The following MED28 variants were observed in gnomAD, a reference collection of about 807,000 sequenced individuals.
MED28 encodes the protein mediator complex subunit 28.
In MED28, 26 loss-of-function variants were observed where a neutral mutation model predicts 21.3. That is an observed-to-expected ratio of 1.22 (90% confidence interval 0.89 to 1.69). MED28 has a LOEUF of 1.69. Among genes scored for constraint, MED28 ranks in the 40% most tolerant of loss-of-function variants. The pLI is 0.00. For synonymous variants in MED28, 110 were observed against 87.6 expected (o/e 1.26, Z -1.43); for missense variants, 257 against 215.4 (o/e 1.19, Z -1.21).
In MED28 at chr4:17,625,674, A is replaced by T. The variant is rs1714756083; in HGVS notation, c.*1876A>T. On this transcript the variant is annotated 3_prime_UTR_variant, in exon 4 of 4. Coordinates refer to ENST00000237380, the MANE Select transcript of MED28 (RefSeq NM_025205.5). ...TTTGTAGACATCTTACTGGGTGATG[A>T]ATAATCCTCTAAGAAACCCTCTGAG... 2.2e-6 allele frequency: 1 copy of T among 447,580 alleles called. No individual in the cohort carries two copies. Among genetic ancestry groups the T allele is most frequent in the South Asian group, 1.6e-5 (1 of 62,730 alleles). The allele number at this position is 447,580 out of a possible 1,614,324, so 27.7% of individuals were successfully genotyped here.
At chr4:17,619,067 C>T (rs73800312) in intron 1 of MED28, among the ~76,000 whole-genome samples, 4,748 of 152,282 alleles carry the variant, frequency 0.031, 229 homozygotes, top group African/African-American at 0.11. Flanking sequence ...GGCTTCTTTT[C>T]TAACTCCTTT....
In MED28 at chr4:17,632,715, G is replaced by T; in HGVS notation, c.*8917G>T. On this transcript the variant is annotated 3_prime_UTR_variant, in exon 4 of 4. Transcript: ENST00000237380. ...ACCATCTTTTCAGGGAAAGATAACT[G>T]CTTGTTTACTCTTCAAAAACACCCA... 1 of 859,330 alleles carries T rather than the reference G, an allele frequency of 1.2e-6. No individual in the cohort carries two copies. The highest frequency in any genetic ancestry group is 1.8e-6 in the Non-Finnish European group (1 of 547,196). 53.2% of individuals were successfully genotyped at this position (859,330 alleles called of 1,614,324 possible).
chr4:17,633,737 C>T lies in MED28; in HGVS notation c.*9939C>T, dbSNP rs906637177. ...AGACTGGTTGGGTTTGTAGGTCCGG[C>T]CACAGCTGGGGCTTGGGTCCAAGCT... On this transcript the variant is annotated 3_prime_UTR_variant, in exon 4 of 4. Coordinates refer to ENST00000237380, the MANE Select transcript of MED28 (RefSeq NM_025205.5). The T allele has an allele frequency of 8.4e-6, 13 of 1,550,036 alleles. No individual in the cohort carries two copies. The highest frequency in any genetic ancestry group is 1.1e-5 in the Non-Finnish European group (13 of 1,146,322).
chr4:17,628,345 T>C lies in MED28; in HGVS notation c.*4547T>C, dbSNP rs1375871966. The C allele has an allele frequency of 6.8e-6, 1 of 147,856 alleles. No homozygotes were observed. The highest frequency in any genetic ancestry group is 1.5e-5 in the Non-Finnish European group (1 of 66,066). The allele number at this position is 147,856 out of a possible 1,614,324, so 9.2% of individuals were successfully genotyped here. A position where few individuals can be genotyped will look rare whatever the true frequency, so the allele number is the denominator to read the frequency against. On this transcript the variant is annotated 3_prime_UTR_variant, in exon 4 of 4. Transcript: ENST00000237380. Reference sequence around the variant, plus strand: ...ATGTGTGTATATATATATGTGTGTGTGTATATATATATATGCAATTATACC... The same window carrying C: ...ATGTGTGTATATATATATGTGTGTGCGTATATATATATATGCAATTATACC...
rs890589333 is a variant in MED28, at chr4:17,624,147, C to A, written c.*349C>A. The A allele has an allele frequency of 3.3e-5, 9 of 270,224 alleles. No individual in the cohort carries two copies. Among genetic ancestry groups the A allele is most frequent in the African/African-American group, 1.5e-4 (7 of 45,326 alleles). The allele number at this position is 270,224 out of a possible 1,614,324, so 16.7% of individuals were successfully genotyped here. A position where few individuals can be genotyped will look rare whatever the true frequency, so the allele number is the denominator to read the frequency against. On this transcript the variant is annotated 3_prime_UTR_variant, in exon 4 of 4. Transcript: ENST00000237380. ...TATGTGTGTTTCCTGTAGTTTGATCCGAAGGAAAAGAGTATAGTAGCCTGA... is the reference window on the plus strand; with the variant it reads ...TATGTGTGTTTCCTGTAGTTTGATCAGAAGGAAAAGAGTATAGTAGCCTGA...
intron 3 of MED28, among the ~76,000 whole-genome samples, chr4:17,622,883 C>T (rs555957835): frequency 5.8e-4 from 89 of 152,256 alleles, no homozygotes; most frequent in South Asian, 1.5e-3. Flanking sequence ...ATTTTTAAAA[C>T]CATCAGATCT....
rs199549580 is a variant in MED28 at position 17,632,043 on chromosome 4, ATTTTTTTTTTTTTTT to A, written c.*8275_*8289del. On this transcript the variant is annotated 3_prime_UTR_variant, in exon 4 of 4. Transcript: ENST00000237380. ...TTTTAATAACACTGGTTTAATGTCA[ATTTTTTTTTTTTTTT>A]TTTTTTTTTTTTTTTTTTTTTTTTT... 46 of 117,582 alleles carry A rather than the reference ATTTTTTTTTTTTTTT, an allele frequency of 3.9e-4. No individual in the cohort carries two copies. Among genetic ancestry groups the A allele is most frequent in the East Asian group, 8.7e-4 (4 of 4,598 alleles). 7.3% of individuals were successfully genotyped at this position (117,582 alleles called of 1,614,324 possible).
chr4:17,632,569 GGA>G lies in MED28; in HGVS notation c.*8775_*8776del. ...GTACTTGGTGAACCATTCCTGGTGC[GGA>G]GAGCCCTGTTTCTGCTGGACTTCTT... On this transcript the variant is annotated 3_prime_UTR_variant, in exon 4 of 4. Coordinates refer to ENST00000237380, the MANE Select transcript of MED28 (RefSeq NM_025205.5). 2 of 1,551,366 alleles carry G rather than the reference GGA, an allele frequency of 1.3e-6. No individual in the cohort carries two copies. Among genetic ancestry groups the G allele is most frequent in the Non-Finnish European group, 1.7e-6 (2 of 1,146,792 alleles).
At chr4:17,617,012 CTTG>C (rs1375623242) in intron 1 of MED28, among the ~76,000 whole-genome samples, 4 of 152,196 alleles carry the variant, frequency 2.6e-5, no homozygotes, top group Non-Finnish European at 4.4e-5. Context: ...AGGCAGTTGC[CTTG>C]TTGTAGGATC....
chr4:17,625,729 A>G lies in MED28; in HGVS notation c.*1931A>G, dbSNP rs566135470. 1.4e-5 allele frequency: 6 copies of G among 435,338 alleles called. No homozygotes were observed. Among genetic ancestry groups the G allele is most frequent in the African/African-American group, 1.0e-4 (5 of 49,368 alleles). The allele number at this position is 435,338 out of a possible 1,614,324, so 27.0% of individuals were successfully genotyped here. ...TAACTTTTTCAGGGAGAAAATCACA[A>G]GCCATCTTCTCAAGTTCCCCTAGAA... is the stretch of plus-strand genomic sequence containing the variant. On this transcript the variant is annotated 3_prime_UTR_variant, in exon 4 of 4. Coordinates refer to ENST00000237380, the MANE Select transcript of MED28 (RefSeq NM_025205.5).
intron 1 of MED28, among the ~76,000 whole-genome samples, chr4:17,618,165 C>T (rs1194686998): frequency 2.0e-5 from 3 of 151,896 alleles, no homozygotes; most frequent in Admixed American, 6.6e-5. Context: ...GTGCGCACCA[C>T]TACGCCTGAC....
intron 1 of MED28, among the ~76,000 whole-genome samples, chr4:17,618,513 A>G (rs1029798557): frequency 9.2e-5 from 14 of 151,854 alleles, no homozygotes; most frequent in Non-Finnish European, 1.6e-4. Context: ...AAACCCAACA[A>G]GAGTCAACTT....
intron 2 of MED28, among the ~76,000 whole-genome samples, chr4:17,621,226 G>A (rs566748858): frequency 4.5e-4 from 69 of 152,006 alleles, no homozygotes; most frequent in African/African-American, 1.6e-3. Context: ...GTTGGCCAGG[G>A]TGGTCTCAAT....
chr4:17,627,634 G>A lies in MED28; in HGVS notation c.*3836G>A, dbSNP rs375196433. 6.6e-6 allele frequency: 1 copy of A among 152,220 alleles called. No homozygotes were observed. The highest frequency in any genetic ancestry group is 6.5e-5 in the Admixed American group (1 of 15,268). 9.4% of individuals were successfully genotyped at this position (152,220 alleles called of 1,614,324 possible). ...TTCCTGCCCAGGGCATGCTGGTCCT[G>A]GCTGTCACCAAGCACAGTGGAGGTC... On this transcript the variant is annotated 3_prime_UTR_variant, in exon 4 of 4. Transcript: ENST00000237380.
In MED28 at chr4:17,633,383, G is replaced by T. The variant is rs970833362; in HGVS notation, c.*9585G>T. ...CTCACGTCAGTCTGATGAGATAGGT[G>T]CTGTATTATCTTAATTTTAAAGGCA... On this transcript the variant is annotated 3_prime_UTR_variant, in exon 4 of 4. Transcript: ENST00000237380. The T allele has an allele frequency of 5.1e-5, 12 of 234,266 alleles. No homozygotes were observed. Among genetic ancestry groups the T allele is most frequent in the Admixed American group, 4.3e-4 (8 of 18,632 alleles). 14.5% of individuals were successfully genotyped at this position (234,266 alleles called of 1,614,324 possible).
rs1714932843 is a variant in MED28 at position 17,631,293 on chromosome 4, C to G, written c.*7495C>G. ...TCTCGAACTCTTGGGCTCATGCTGT[C>G]CTACCTCAGACTTCCAAGTAGCTGG... On this transcript the variant is annotated 3_prime_UTR_variant, in exon 4 of 4. Coordinates refer to ENST00000237380, the MANE Select transcript of MED28 (RefSeq NM_025205.5). The G allele has an allele frequency of 6.6e-6, 1 of 152,104 alleles. No homozygotes were observed. Among genetic ancestry groups the G allele is most frequent in the East Asian group, 1.9e-4 (1 of 5,190 alleles). The allele number at this position is 152,104 out of a possible 1,614,324, so 9.4% of individuals were successfully genotyped here.
At chr4:17,623,507 C>A in intron 3 of MED28, 94 bp from the exon 4 acceptor site, 2 of 1,203,330 alleles carry the variant, frequency 1.7e-6, no homozygotes, top group Non-Finnish European at 2.4e-6. Flanking sequence ...TTAATGGATT[C>A]TCTTTGTTTT....
chr4:17,632,632 G>GA lies in MED28; in HGVS notation c.*8834_*8835insA. ...CGTTTCACCATCTGGGGTCCTAAAA[G>GA]CAAAAAAAGGTTTTTTTATATGGTT... On this transcript the variant is annotated 3_prime_UTR_variant, in exon 4 of 4. Coordinates refer to ENST00000237380, the MANE Select transcript of MED28 (RefSeq NM_025205.5). 6 of 1,542,750 alleles carry GA rather than the reference G, an allele frequency of 3.9e-6. No homozygotes were observed. Among genetic ancestry groups the GA allele is most frequent in the Non-Finnish European group, 5.3e-6 (6 of 1,141,522 alleles).
In MED28 at chr4:17,616,944, C is replaced by T. The variant is rs1250635814; in HGVS notation, c.159+2131C>T. ...GAACTCCCTCTGGGACTTGATTATC[C>T]ATACAGAGAATACAGAGAAAACCAG... is the stretch of plus-strand genomic sequence containing the variant. On this transcript the variant is annotated intron_variant, in intron 1 of 3. Transcript: ENST00000237380. 2.0e-5 allele frequency among the ~76,000 whole-genome samples: 3 copies of T among 152,156 alleles called. No homozygotes were observed. In the East Asian group the frequency reaches 5.8e-4, roughly 29 times the overall value.
Sources: gnomAD v4.1 joint callset for allele counts (sites outside exome capture counted in the v4.1 genomes callset) on GRCh38, gnomAD v4.1.1 for gene constraint, MANE v1.5 for transcripts, NCBI Gene and HGNC (gene_info 2026-07-23, HGNC 2026-07-21) for gene names.